Variants in TRPM3 observed in about 807,000 individuals in gnomAD.
The protein encoded by TRPM3 is transient receptor potential cation channel subfamily M member 3.
TRPM3 carries 77 observed loss-of-function variants against 181.2 expected under a neutral mutation model. The observed-to-expected ratio is 0.42, with a 90% CI of 0.35 to 0.51. TRPM3 has a LOEUF of 0.51. Ranked by LOEUF, TRPM3 falls within the 20% of genes least tolerant of loss-of-function variation. The pLI is 0.01. For synonymous variants in TRPM3, 745 were observed against 796.4 expected (o/e 0.94, Z 1.09); for missense variants, 1,759 against 2,196.7 (o/e 0.80, Z 3.98).
intron 1 of TRPM3, among the ~76,000 whole-genome samples, chr9:71,093,532 A>G (rs961840504): frequency 3.3e-5 from 5 of 152,208 alleles, no homozygotes; most frequent in African/African-American, 4.8e-5. Context: ...CAAAACCGCA[A>G]TGACATATCA....
At chr9:71,425,896 C>T (rs2093854354) in intron 1 of TRPM3, among the ~76,000 whole-genome samples, 1 of 152,106 alleles carries the variant, frequency 6.6e-6, no homozygotes. Flanking sequence ...AAGTTCTTTA[C>T]TGTTGAAGAG....
chr9:71,281,629 T>G (rs10869010), intron 1 of TRPM3, among the ~76,000 whole-genome samples: 121,883 of 152,092 alleles, frequency 0.8, 48,825 homozygotes, highest in East Asian at 0.84. Flanking sequence ...AACTGAGGAG[T>G]TATACTTTTC....
At chr9:70,556,371 A>C (rs4297089) in intron 22 of TRPM3, among the ~76,000 whole-genome samples, 35,423 of 151,528 alleles carry the variant, frequency 0.23, 4,824 homozygotes, top group Admixed American at 0.31. Flanking sequence ...CCTTTTACTC[A>C]TCCTGCTTTA....
chr9:71,324,787 T>C (rs920229524), intron 1 of TRPM3, among the ~76,000 whole-genome samples: 3 of 151,890 alleles, frequency 2.0e-5, no homozygotes, highest in Non-Finnish European at 2.9e-5. Flanking sequence ...CGCTCGGCCA[T>C]TAGAAGAAGA....
At chr9:71,266,300 A>C (rs2083387604) in intron 1 of TRPM3, among the ~76,000 whole-genome samples, 2 of 152,164 alleles carry the variant, frequency 1.3e-5, no homozygotes, top group African/African-American at 2.4e-5. Flanking sequence ...ACAAAGAAAA[A>C]TTAATGGTTG....
At chr9:71,201,625 T>G (rs1173241752) in intron 1 of TRPM3, among the ~76,000 whole-genome samples, 2 of 152,320 alleles carry the variant, frequency 1.3e-5, no homozygotes, top group African/African-American at 4.8e-5. Flanking sequence ...TCATTCATTT[T>G]ATCTTCCATC....
chr9:71,330,974 G>C (rs185270519), intron 1 of TRPM3, among the ~76,000 whole-genome samples: 3 of 151,740 alleles, frequency 2.0e-5, no homozygotes, highest in East Asian at 1.9e-4. Flanking sequence ...CAGATTTTGT[G>C]TATCTTTAAA....
intron 9 of TRPM3, among the ~76,000 whole-genome samples, chr9:70,676,724 T>C (rs181764735): frequency 5.3e-5 from 8 of 152,202 alleles, no homozygotes; most frequent in South Asian, 2.1e-4. Flanking sequence ...AGAAAAATGA[T>C]TGATAGGCCA....
At chr9:70,585,798 A>G (rs1394742842) in intron 22 of TRPM3, among the ~76,000 whole-genome samples, 1 of 151,810 alleles carries the variant, frequency 6.6e-6, no homozygotes, top group Non-Finnish European at 1.5e-5. Context: ...TACCCCTCTT[A>G]TGGACTTTCC....
At chr9:71,015,013 T>C (rs2097773236) in intron 1 of TRPM3, among the ~76,000 whole-genome samples, 1 of 152,162 alleles carries the variant, frequency 6.6e-6, no homozygotes, top group Non-Finnish European at 1.5e-5. Flanking sequence ...CACTAATGCC[T>C]TTTATAATGG....
chr9:71,231,548 C>T (rs1403718407), intron 1 of TRPM3, among the ~76,000 whole-genome samples: 1 of 152,026 alleles, frequency 6.6e-6, no homozygotes, highest in African/African-American at 2.4e-5. Context: ...TTTTTTGAGC[C>T]ACTGAATTGG....
chr9:70,744,112 G>T (rs530662387), intron 8 of TRPM3, among the ~76,000 whole-genome samples: 6 of 152,120 alleles, frequency 3.9e-5, no homozygotes, highest in East Asian at 1.9e-4. Flanking sequence ...TGAATCACCC[G>T]AGGTCAGGAG....
At chr9:70,977,113 C>CA (rs1381743857) in intron 1 of TRPM3, among the ~76,000 whole-genome samples, 2 of 152,078 alleles carry the variant, frequency 1.3e-5, no homozygotes, top group Non-Finnish European at 2.9e-5. Context: ...GAAAGGGGTG[C>CA]ATCAGTCTGA....
At chr9:70,958,399 A>C (rs987642700) in intron 1 of TRPM3, among the ~76,000 whole-genome samples, 5 of 152,186 alleles carry the variant, frequency 3.3e-5, no homozygotes, top group Admixed American at 2.6e-4. Context: ...TCCCACCAAC[A>C]GTGTAAAAGT....
At chr9:70,622,615 C>T (rs960269263) in intron 14 of TRPM3, among the ~76,000 whole-genome samples, 6 of 152,250 alleles carry the variant, frequency 3.9e-5, no homozygotes, top group Middle Eastern at 3.4e-3. Flanking sequence ...CAGGCTGAGT[C>T]GGAGAGAAAA....
intron 6 of TRPM3, among the ~76,000 whole-genome samples, chr9:70,816,824 TA>T (rs2092732005): frequency 6.6e-6 from 1 of 152,220 alleles, no homozygotes; most frequent in Non-Finnish European, 1.5e-5. Flanking sequence ...TTTGTTAACT[TA>T]AAAAGTTAAC....
chr9:70,843,219 G>T (rs1483719233), intron 4 of TRPM3, 92 bp from the exon 5 acceptor site: 2 of 1,342,724 alleles, frequency 1.5e-6, no homozygotes, highest in East Asian at 2.4e-5. Context: ...TTCTCCCGAG[G>T]TTAAATAAAT....
chr9:71,257,438 T>C lies in TRPM3; in HGVS notation c.183+189215A>G, dbSNP rs552346008. Among the ~76,000 whole-genome samples the C allele has an allele frequency of 3.9e-5, 6 of 152,240 alleles. No homozygotes were observed. The South Asian group carries it at 1.2e-3, about 32-fold the overall frequency. Reference sequence around the variant, plus strand: ...AGGAGGAAGAACAGTTTAGGCAAAATATAGCGATTTCAGTGCTGGTACTAT... The same window carrying C: ...AGGAGGAAGAACAGTTTAGGCAAAACATAGCGATTTCAGTGCTGGTACTAT... On this transcript the variant is annotated intron_variant, in intron 1 of 24. Coordinates refer to the TRPM3 transcript ENST00000357533.
chr9:70,572,690 G>A (rs1336222186), intron 22 of TRPM3, among the ~76,000 whole-genome samples: 1 of 152,074 alleles, frequency 6.6e-6, no homozygotes, highest in Non-Finnish European at 1.5e-5. Context: ...TCACAAAGAT[G>A]AAATGCCCTT....
Sources: allele counts gnomAD v4.1 joint callset (sites outside exome capture counted in the v4.1 genomes callset), GRCh38; gene constraint gnomAD v4.1.1; transcripts MANE v1.5; gene names NCBI Gene and HGNC (gene_info 2026-07-23, HGNC 2026-07-21).